LAMA1: variants seen among roughly 807,000 people sequenced by gnomAD.
LAMA1 encodes laminin subunit alpha 1.
Under a neutral mutation model 348.7 loss-of-function variants are expected in LAMA1, and 219 were observed. That is an observed-to-expected ratio of 0.63 (90% CI 0.56 to 0.70). The LOEUF is 0.70. Among genes scored for constraint, LAMA1 ranks in the 30% least tolerant of loss-of-function variants. The pLI is 0.00. For missense variants in LAMA1, 3,744 were observed against 3,888.0 expected (o/e 0.96, Z 0.99); for synonymous variants, 1,487 against 1,491.0 (o/e 1.00, Z 0.06).
At chr18:6,942,327 G>C (rs1269207337) in intron 62 of LAMA1, 88 bp from the exon 63 acceptor site, 1 of 1,415,094 alleles carries the variant, frequency 7.1e-7, no homozygotes, top group East Asian at 2.4e-5. Flanking sequence ...AATCTCAAGC[G>C]GGTTTTTTTA....
At chr18:6,952,297 T>C (rs532110618) in intron 57 of LAMA1, among the ~76,000 whole-genome samples, 2 of 152,180 alleles carry the variant, frequency 1.3e-5, no homozygotes, top group Admixed American at 1.3e-4. Flanking sequence ...CTCCGCACCA[T>C]GTAGCTGCAC....
intron 1 of LAMA1, among the ~76,000 whole-genome samples, chr18:7,097,692 A>G (rs2058267867): frequency 6.6e-6 from 1 of 152,240 alleles, no homozygotes; most frequent in African/African-American, 2.4e-5. Flanking sequence ...ATAGATCAAT[A>G]GAACAAAATA....
chr18:7,029,231 G>A (rs1174560411), intron 16 of LAMA1, among the ~76,000 whole-genome samples: 1 of 152,166 alleles, frequency 6.6e-6, no homozygotes, highest in East Asian at 1.9e-4. Context: ...GGTGGGGCCT[G>A]AGTTTCTGCA....
intron 1 of LAMA1, among the ~76,000 whole-genome samples, chr18:7,107,958 G>A (rs1377849014): frequency 4.6e-5 from 7 of 151,634 alleles, no homozygotes; most frequent in Non-Finnish European, 1.0e-4. Context: ...AGCTTGCAGT[G>A]AGCCAAGATC....
chr18:7,102,689 C>T (rs960532860), intron 1 of LAMA1, among the ~76,000 whole-genome samples: 3 of 152,146 alleles, frequency 2.0e-5, no homozygotes, highest in Non-Finnish European at 2.9e-5. Flanking sequence ...GATTCTTGGA[C>T]ACTTCTCATG....
Position 6,955,433 on chromosome 18 carries a change from G to A in LAMA1, c.8127C>T (p.Tyr2709=), listed in dbSNP as rs536660696. The A allele has an allele frequency of 3.1e-6, 5 of 1,614,078 alleles. No homozygotes were observed. Among genetic ancestry groups the A allele is most frequent in the Admixed American group, 1.7e-5 (1 of 60,016 alleles). Residue 2709 remains tyrosine (Y), a synonymous_variant, in exon 57 of 63, where the codon TAC becomes TAT. Coordinates refer to ENST00000389658, the MANE Select transcript of LAMA1 (RefSeq NM_005559.4). ...GACCAAACTGGTGAGCGCCGGGAACGTACTCCAGAGCTGCATCCACCACAC... is the reference window on the plus strand; with the variant it reads ...GACCAAACTGGTGAGCGCCGGGAACATACTCCAGAGCTGCATCCACCACAC... ...EQCVVDAALE[Y]VPGAHQFGLT... is the part of the protein sequence containing the mutation.
chr18:7,064,236 A>T (rs1381394280), intron 3 of LAMA1, among the ~76,000 whole-genome samples: 3 of 152,118 alleles, frequency 2.0e-5, no homozygotes, highest in Non-Finnish European at 4.4e-5. Flanking sequence ...AAAGGTTACA[A>T]TGGTAAATTT....
intron 4 of LAMA1, 131 bp from the exon 5 acceptor site, chr18:7,049,388 C>A: frequency 1.3e-6 from 1 of 766,346 alleles, no homozygotes; most frequent in Non-Finnish European, 2.2e-6. Context: ...TAACCTCCAC[C>A]TCCCAGGTTC....
intron 40 of LAMA1, 93 bp downstream of exon 40, chr18:6,983,006 T>C: frequency 6.7e-7 from 1 of 1,486,864 alleles, no homozygotes; most frequent in Non-Finnish European, 9.4e-7. Flanking sequence ...AGAATGTTAA[T>C]AGGCAGAAAT....
rs573693380 is a variant in LAMA1 at position 6,980,751 on chromosome 18, C to T, written c.5891-114G>A. 3.1e-4 allele frequency: 209 copies of T among 673,048 alleles called. 2 individuals carry two copies. The Middle Eastern group carries it at 5.2e-3, about 17-fold the overall frequency. The allele number at this position is 673,048 out of a possible 1,614,324, so 41.7% of individuals were successfully genotyped here. A position where few individuals can be genotyped will look rare whatever the true frequency, so the allele number is the denominator to read the frequency against. ...GAATTCATAGCTTTCTAAAGAGATT[C>T]CCAATATTGACAGTTTTTCCAGCAA... On this transcript the variant is annotated intron_variant, in intron 41 of 62. Coordinates refer to ENST00000389658, the MANE Select transcript of LAMA1 (RefSeq NM_005559.4).
chr18:7,095,538 C>G (rs2058257609), intron 1 of LAMA1, among the ~76,000 whole-genome samples: 1 of 152,192 alleles, frequency 6.6e-6, no homozygotes. Flanking sequence ...CTGAAGAAGG[C>G]TGGCAAGTTT....
In LAMA1 at chr18:6,958,521, T is replaced by C. The variant is rs1430933672; in HGVS notation, c.7920A>G (p.Arg2640=). 1 of 1,614,084 alleles carries C rather than the reference T, an allele frequency of 6.2e-7. No individual in the cohort carries two copies. The highest frequency in any genetic ancestry group is 1.3e-5 in the African/African-American group (1 of 74,922). The change falls in exon 55 of 63, where the codon AGA becomes AGG. Residue 2640 remains arginine (R), a synonymous_variant. Coordinates refer to ENST00000389658, the MANE Select transcript of LAMA1 (RefSeq NM_005559.4). ...EGEGTSLLTM[R]RSFHGCIKNL... ...TTTTGATACAGCCATGGAACGATCTTCTCATTGTGAGCAGTGACGTCCCCT... is the reference window on the plus strand; with the variant it reads ...TTTTGATACAGCCATGGAACGATCTCCTCATTGTGAGCAGTGACGTCCCCT...
rs192262165 is a variant in LAMA1 at position 7,065,323 on chromosome 18, C to T, written c.346-14387G>A. Reference sequence around the variant, plus strand: ...GTGTGGGGGAATTCTCTGTACTTTACATTCAATTTTTCTGTAAACCTAAAA... The same window carrying T: ...GTGTGGGGGAATTCTCTGTACTTTATATTCAATTTTTCTGTAAACCTAAAA... On this transcript the variant is annotated intron_variant, in intron 3 of 62. Transcript: ENST00000389658. Among the ~76,000 whole-genome samples the T allele has an allele frequency of 4.7e-5, 7 of 150,432 alleles. No individual in the cohort carries two copies. In the East Asian group the frequency reaches 1.2e-3, roughly 25 times the overall value.
intron 11 of LAMA1, 21 bp downstream of exon 11, chr18:7,038,789 C>T: frequency 6.2e-7 from 1 of 1,613,872 alleles, no homozygotes; most frequent in Non-Finnish European, 8.5e-7. Context: ...TAAATCCCGC[C>T]GCGCAGATGG....
chr18:7,040,218 C>T lies in LAMA1; in HGVS notation c.1280G>A (p.Cys427Tyr). 2 of 1,614,120 alleles carry T rather than the reference C, an allele frequency of 1.2e-6. No homozygotes were observed. The highest frequency in any genetic ancestry group is 1.7e-6 in the Non-Finnish European group (2 of 1,180,028). Residue 427 changes from cysteine (C) to tyrosine (Y), a missense_variant, in exon 10 of 63, where the codon TGC becomes TAC. Physicochemically the swap from Cys to Tyr is radical, Grantham distance 194 (BLOSUM62 -2). Transcript: ENST00000389658. The part of the protein sequence containing the change: ...DLHNGKQPGQ[C>Y]PCKEGYTGEK... The stretch of plus-strand genomic sequence containing the variant: ...TCCTGTATAACCTTCCTTACATGGG[C>T]ACTGACCTGGCTGCTTCCCTAGAAA...
At chr18:6,972,278 GT>G in intron 47 of LAMA1, 1 of 389,850 alleles carries the variant, frequency 2.6e-6, no homozygotes, top group Non-Finnish European at 4.9e-6. Context: ...GTGATTGGTA[GT>G]GAGGGCCCAG....
At chr18:7,068,174 G>A (rs570508600) in intron 3 of LAMA1, among the ~76,000 whole-genome samples, 1 of 152,272 alleles carries the variant, frequency 6.6e-6, no homozygotes, top group South Asian at 2.1e-4. Flanking sequence ...TCTGAGCCAC[G>A]AAGTGGTCCT....
intron 39 of LAMA1, among the ~76,000 whole-genome samples, chr18:6,984,243 C>T (rs654704): frequency 2.6e-5 from 4 of 151,928 alleles, no homozygotes; most frequent in African/African-American, 7.2e-5. Flanking sequence ...TTTTTAATTG[C>T]TTTTGTTGTG....
At chr18:7,117,270 C>G (rs1190848624) in intron 1 of LAMA1, among the ~76,000 whole-genome samples, 1 of 151,612 alleles carries the variant, frequency 6.6e-6, no homozygotes, top group Admixed American at 6.6e-5. Context: ...CCCCGCCACC[C>G]CCGCCCGCGC....
Sources: allele counts gnomAD v4.1 joint callset (sites outside exome capture counted in the v4.1 genomes callset), GRCh38; gene constraint gnomAD v4.1.1; transcripts MANE v1.5; gene names NCBI Gene and HGNC (gene_info 2026-07-23, HGNC 2026-07-21).